The following RSPO2 variants were observed in gnomAD, a reference collection of about 807,000 sequenced individuals.
RSPO2 encodes R-spondin-2.
In RSPO2, 14 loss-of-function variants were observed where a neutral mutation model predicts 30.9. That is an observed-to-expected ratio of 0.45 (90% CI 0.30 to 0.71). RSPO2 has a LOEUF of 0.71. RSPO2 is among the 30% of genes least tolerant of loss of function. RSPO2 has a pLI of 0.08. For missense variants in RSPO2, 264 were observed against 301.9 expected, an observed-to-expected ratio of 0.87 and a Z score of 0.93; for synonymous variants, 107 against 96.4, an observed-to-expected ratio of 1.11 and a Z score of -0.64.
At chr8:107,927,083 T>C (rs1812401792) in intron 5 of RSPO2, among the ~76,000 whole-genome samples, 2 of 152,310 alleles carry the variant, frequency 1.3e-5, no homozygotes, top group South Asian at 2.1e-4. Context: ...GAGCAGTGGT[T>C]TATAGTTCTC....
At chr8:107,977,724 C>T (rs1814267901) in intron 3 of RSPO2, among the ~76,000 whole-genome samples, 1 of 152,062 alleles carries the variant, frequency 6.6e-6, no homozygotes, top group Non-Finnish European at 1.5e-5. Context: ...GTTTGAAGGA[C>T]TACTGGAGGT....
intron 2 of RSPO2, among the ~76,000 whole-genome samples, chr8:108,071,523 A>C (rs1216186252): frequency 6.6e-6 from 1 of 152,226 alleles, no homozygotes; most frequent in African/African-American, 2.4e-5. Flanking sequence ...TGCTGGGTGA[A>C]GGAGGGCGGC....
intron 2 of RSPO2, among the ~76,000 whole-genome samples, chr8:108,039,413 G>C (rs1811689250): frequency 6.6e-6 from 1 of 151,970 alleles, no homozygotes; most frequent in Non-Finnish European, 1.5e-5. Flanking sequence ...ATTATACAGG[G>C]GGTGAAAATG....
At chr8:107,912,624 T>C (rs1000847275) in intron 5 of RSPO2, among the ~76,000 whole-genome samples, 1 of 152,198 alleles carries the variant, frequency 6.6e-6, no homozygotes, top group Non-Finnish European at 1.5e-5. Flanking sequence ...TAAAAGGCTG[T>C]CTAGTTCATT....
chr8:107,927,705 G>A (rs937925463), intron 5 of RSPO2, among the ~76,000 whole-genome samples: 1 of 152,106 alleles, frequency 6.6e-6, no homozygotes, highest in Non-Finnish European at 1.5e-5. Context: ...ACATTTATTG[G>A]TTTGCATATG....
intron 2 of RSPO2, among the ~76,000 whole-genome samples, chr8:108,000,683 A>G (rs1815212208): frequency 6.6e-6 from 1 of 152,092 alleles, no homozygotes; most frequent in East Asian, 1.9e-4. Context: ...ACAGGATTCA[A>G]CTGAAATAAG....
rs112149469 is a variant in RSPO2, at chr8:107,998,197, G to GA, written c.95-8954dup. Among the ~76,000 whole-genome samples the GA allele has an allele frequency of 4.8e-3, 694 of 144,026 alleles. 19 individuals are homozygous for GA. In the South Asian group the frequency reaches 0.071, roughly 15 times the overall value. 94.5% of individuals were successfully genotyped at this position (144,026 alleles called of 152,430 possible). A position where few individuals can be genotyped will look rare whatever the true frequency, so the allele number is the denominator to read the frequency against. On this transcript the variant is annotated intron_variant, in intron 2 of 5. Coordinates refer to ENST00000276659, the MANE Select transcript of RSPO2 (RefSeq NM_178565.5). ...AAGTTCAAGATATGTATTTAAGGAA[G>GA]AAAAAAAAAAACCCATAGAAGGAGC...
At chr8:108,081,143 T>A (rs779700753) in intron 2 of RSPO2, among the ~76,000 whole-genome samples, 5 of 151,970 alleles carry the variant, frequency 3.3e-5, no homozygotes, top group Non-Finnish European at 7.4e-5. Context: ...GAAGGTTTAT[T>A]CTTACAAGCC....
chr8:107,996,806 C>A (rs997193059), intron 2 of RSPO2: 3 of 364,634 alleles, frequency 8.2e-6, no homozygotes, highest in South Asian at 2.1e-5. Flanking sequence ...TCAGAGTCAA[C>A]AAACTGTGCC....
intron 2 of RSPO2, among the ~76,000 whole-genome samples, chr8:108,055,518 G>A (rs920733722): frequency 6.6e-6 from 1 of 152,180 alleles, no homozygotes; most frequent in African/African-American, 2.4e-5. Context: ...GGAAGGCCAT[G>A]GACAGGTTCG....
rs375952041 is a variant in RSPO2 at position 108,024,836 on chromosome 8, A to ATT, written c.95-35593_95-35592insAA. On this transcript the variant is annotated intron_variant, in intron 2 of 5. Coordinates refer to ENST00000276659, the MANE Select transcript of RSPO2 (RefSeq NM_178565.5). ...AAAGTTTGAGACCAGCTTGCGTGAC[A>ATT]TGGAAAAACACAATCTCTACTAGAA... 2.2e-3 allele frequency among the ~76,000 whole-genome samples: 338 copies of ATT among 152,302 alleles called. 1 individual carries two copies. Among genetic ancestry groups the ATT allele is most frequent in the African/African-American group, 7.5e-3 (311 of 41,566 alleles).
At chr8:108,042,929 G>A (rs1434526) in intron 2 of RSPO2, among the ~76,000 whole-genome samples, 26,085 of 152,046 alleles carry the variant, frequency 0.17, 2,879 homozygotes, top group Middle Eastern at 0.28. Flanking sequence ...TTGCCTATGA[G>A]CTTCATACTC....
At chr8:107,971,704 AAC>A (rs1487278850) in intron 3 of RSPO2, among the ~76,000 whole-genome samples, 2 of 152,190 alleles carry the variant, frequency 1.3e-5, no homozygotes, top group Non-Finnish European at 2.9e-5. Context: ...GCTACAAGAG[AAC>A]ACTGTGATCT....
intron 5 of RSPO2, among the ~76,000 whole-genome samples, chr8:107,931,103 A>C (rs1251462781): frequency 1.3e-5 from 2 of 152,224 alleles, no homozygotes; most frequent in Non-Finnish European, 2.9e-5. Flanking sequence ...ATAGGAAATT[A>C]AGCCAATTAC....
chr8:107,973,295 G>T (rs1283911797), intron 3 of RSPO2, among the ~76,000 whole-genome samples: 2 of 151,832 alleles, frequency 1.3e-5, no homozygotes, highest in Admixed American at 1.3e-4. Flanking sequence ...GGGGGAACTA[G>T]CCAAGGAAAT....
chr8:107,935,432 G>A (rs1812690385), intron 5 of RSPO2, among the ~76,000 whole-genome samples: 2 of 152,024 alleles, frequency 1.3e-5, no homozygotes, highest in Non-Finnish European at 2.9e-5. Context: ...TATCCTCCTG[G>A]GAGGATTGTC....
intron 2 of RSPO2, among the ~76,000 whole-genome samples, chr8:108,018,547 T>C (rs751330962): frequency 3.9e-5 from 6 of 152,212 alleles, no homozygotes; most frequent in Non-Finnish European, 5.9e-5. Context: ...TTGGCTAAAA[T>C]GTACATCTTT....
intron 3 of RSPO2, among the ~76,000 whole-genome samples, chr8:107,965,773 A>G (rs1261097978): frequency 6.6e-6 from 1 of 152,170 alleles, no homozygotes; most frequent in East Asian, 1.9e-4. Context: ...TTGCATGCTT[A>G]GTGAGAGACT....
In RSPO2 at chr8:108,073,470, AG is replaced by A. The variant is rs1220336152; in HGVS notation, c.94+9074del. ...GCTGACACAGAAACAAAGATCTAGC[AG>A]GAGCCCACTTGGCCAGAATTGAAGA... On this transcript the variant is annotated intron_variant, in intron 2 of 5. Coordinates refer to ENST00000276659, the MANE Select transcript of RSPO2 (RefSeq NM_178565.5). Among the ~76,000 whole-genome samples, 38 of 152,224 alleles carry A rather than the reference AG, an allele frequency of 2.5e-4. 1 individual carries two copies. The highest frequency in any genetic ancestry group is 5.9e-5 in the Non-Finnish European group (4 of 68,040).
Sources: allele counts gnomAD v4.1 joint callset (sites outside exome capture counted in the v4.1 genomes callset), GRCh38; gene constraint gnomAD v4.1.1; transcripts MANE v1.5; gene names NCBI Gene and HGNC (gene_info 2026-07-23, HGNC 2026-07-21).